Variants in LRRC9 observed in about 807,000 individuals in gnomAD.
The protein encoded by LRRC9 is leucine rich repeat containing 9, also known as leucine-rich repeat-containing protein 9.
In LRRC9, 122 loss-of-function variants were observed where a neutral mutation model predicts 63.2. That is an observed-to-expected ratio of 1.93 (90% confidence interval 1.67 to 2.24). The LOEUF (loss-of-function observed/expected upper bound fraction) is 2.24. Ranked by LOEUF, LRRC9 falls within the 30% of genes most tolerant of loss-of-function variation. LRRC9 has a pLI of 0.00. For missense variants in LRRC9, 1,071 were observed against 627.7 expected (o/e 1.71, Z -7.55); for synonymous variants, 366 against 213.1 (o/e 1.72, Z -6.25).
chr14:59,961,928 T>C (rs1884392606), intron 10 of LRRC9, among the ~76,000 whole-genome samples: 1 of 152,192 alleles, frequency 6.6e-6, no homozygotes, highest in African/African-American at 2.4e-5. Flanking sequence ...TGTCAAACTA[T>C]AGAATGGACT....
At chr14:59,926,598 C>T (rs1000745305) in intron 1 of LRRC9, among the ~76,000 whole-genome samples, 2 of 152,080 alleles carry the variant, frequency 1.3e-5, no homozygotes, top group African/African-American at 2.4e-5. Flanking sequence ...CTATAAGCCC[C>T]TCTTTTTGCC....
chr14:60,026,255 T>C (rs1891543188), intron 27 of LRRC9, among the ~76,000 whole-genome samples: 1 of 152,088 alleles, frequency 6.6e-6, no homozygotes, highest in African/African-American at 2.4e-5. Flanking sequence ...TCTACCCCTT[T>C]CTCTATATCC....
chr14:59,921,388 A>G (rs1013739974), intron 1 of LRRC9, among the ~76,000 whole-genome samples: 5 of 152,178 alleles, frequency 3.3e-5, no homozygotes, highest in Non-Finnish European at 7.3e-5. Context: ...GACAGACTAC[A>G]GGGAGGACAT....
At chr14:60,008,450 C>T (rs1215567717) in intron 23 of LRRC9, among the ~76,000 whole-genome samples, 10 of 152,040 alleles carry the variant, frequency 6.6e-5, no homozygotes. Flanking sequence ...TACAATAGAA[C>T]CCACAGAATT....
chr14:59,927,872 A>C lies in LRRC9; in HGVS notation c.-33-39A>C. The C allele has an allele frequency of 1.6e-6, 1 of 610,996 alleles. No individual in the cohort carries two copies. The highest frequency in any genetic ancestry group is 2.9e-6 in the Non-Finnish European group (1 of 346,262). 37.8% of individuals were successfully genotyped at this position (610,996 alleles called of 1,614,324 possible). A position where few individuals can be genotyped will look rare whatever the true frequency, so the allele number is the denominator to read the frequency against. On this transcript the variant is annotated intron_variant, in intron 1 of 31. Transcript: ENST00000445360. This position sits in a 1 kb window ranked among gnomAD's most constrained non-coding sequence, Gnocchi z 4.4. ...TCTATTTCAACTTGGAATGACAATG[A>C]CTTTAATATTTATTTCATTTTTTCA...
chr14:60,009,219 G>C lies in LRRC9; in HGVS notation c.3186+1005G>C, dbSNP rs554171751. 2.6e-5 allele frequency among the ~76,000 whole-genome samples: 4 copies of C among 152,296 alleles called. No individual in the cohort carries two copies. The South Asian group carries it at 8.3e-4, about 32-fold the overall frequency. ...TATGTTCTGCTCACTGACAATGAGT[G>C]TATTAGTCTGAACTCTGCTACTAAT... On this transcript the variant is annotated intron_variant, in intron 23 of 31. Coordinates refer to ENST00000445360, the Ensembl canonical transcript of LRRC9.
intron 1 of LRRC9, among the ~76,000 whole-genome samples, chr14:59,925,040 T>C (rs1225576495): frequency 1.3e-5 from 2 of 152,060 alleles, no homozygotes; most frequent in East Asian, 1.9e-4. Flanking sequence ...GTCCTGATCT[T>C]CTTTTTCCTC....
intron 26 of LRRC9, among the ~76,000 whole-genome samples, chr14:60,020,953 G>C (rs1458988988): frequency 2.6e-5 from 4 of 151,860 alleles, no homozygotes; most frequent in African/African-American, 9.7e-5. Context: ...AAACATTTGT[G>C]TACAAATATT....
chr14:59,957,343 C>G lies in LRRC9; in HGVS notation c.883-2475C>G, dbSNP rs574889941. On this transcript the variant is annotated intron_variant, in intron 8 of 31. Transcript: ENST00000445360. ...TTCATTCCTTTTCATTCTTTTTGCT[C>G]TAATCTTGTCTTCATGCCTTATTTC... Among the ~76,000 whole-genome samples, 310 of 152,172 alleles carry G rather than the reference C, an allele frequency of 2.0e-3. 2 individuals carry two copies. Among genetic ancestry groups the G allele is most frequent in the African/African-American group, 7.3e-3 (303 of 41,516 alleles).
intron 1 of LRRC9, among the ~76,000 whole-genome samples, chr14:59,925,221 G>T (rs185403619): frequency 2.6e-5 from 4 of 152,084 alleles, no homozygotes; most frequent in African/African-American, 9.6e-5. Context: ...CAGTGTCTTC[G>T]TCCATTTTGT....
chr14:59,985,245 T>C, intron 17 of LRRC9, 21 bp downstream of exon 17: 1 of 608,756 alleles, frequency 1.6e-6, no homozygotes, highest in Non-Finnish European at 3.0e-6. Flanking sequence ...TTCCTTTGAA[T>C]CTAAAAAAGT....
At chr14:60,063,843 ACT>A (rs1464203772), downstream of LRRC9, among the ~76,000 whole-genome samples, 1 of 152,182 alleles carries the variant, frequency 6.6e-6, no homozygotes, top group African/African-American at 2.4e-5. Context: ...ACCAAACACA[ACT>A]ATTACTAAAG....
chr14:59,921,717 ATTTTTTTT>A (rs57938700), intron 1 of LRRC9, among the ~76,000 whole-genome samples: 4 of 121,184 alleles, frequency 3.3e-5, no homozygotes, highest in African/African-American at 6.2e-5. Flanking sequence ...GGGCAGTTGG[ATTTTTTTT>A]TTTTTTTTTT....
chr14:60,019,298 G>T (rs982710697), intron 26 of LRRC9, 38 bp downstream of exon 26: 4 of 655,786 alleles, frequency 6.1e-6, no homozygotes, highest in South Asian at 3.3e-5. Flanking sequence ...ACTAATTTTG[G>T]CTGGGAATTT....
chr14:59,925,272 C>T (rs1414281130), intron 1 of LRRC9, among the ~76,000 whole-genome samples: 2 of 152,150 alleles, frequency 1.3e-5, no homozygotes, highest in East Asian at 3.8e-4. Context: ...AATTTAAAAA[C>T]AACAGAAATG....
intron 15 of LRRC9, among the ~76,000 whole-genome samples, chr14:59,980,352 T>G (rs1338175689): frequency 6.6e-6 from 1 of 152,192 alleles, no homozygotes; most frequent in Non-Finnish European, 1.5e-5. Context: ...CTCTTTCATC[T>G]AATTTTGGAT....
rs1400609214 is a variant in LRRC9 at position 60,058,943 on chromosome 14, T to C, written c.4276+921T>C. On this transcript the variant is annotated intron_variant, in intron 31 of 31. Transcript: ENST00000445360. This position sits in a 1 kb window ranked among gnomAD's most constrained non-coding sequence, Gnocchi z 4.4. ...TTCCAGGTTTTAATAATAATGAAGATTGTCATGCTTTTGTCTACAACTGTC... is the reference window on the plus strand; with the variant it reads ...TTCCAGGTTTTAATAATAATGAAGACTGTCATGCTTTTGTCTACAACTGTC... The C allele has an allele frequency of 2.0e-5, 3 of 152,208 alleles. No homozygotes were observed. Among genetic ancestry groups the C allele is most frequent in the African/African-American group, 7.2e-5 (3 of 41,444 alleles). 9.4% of individuals were successfully genotyped at this position (152,208 alleles called of 1,614,324 possible). A position where few individuals can be genotyped will look rare whatever the true frequency, so the allele number is the denominator to read the frequency against.
At chr14:60,005,575 C>G (rs1205239003) in intron 21 of LRRC9, among the ~76,000 whole-genome samples, 1 of 152,072 alleles carries the variant, frequency 6.6e-6, no homozygotes, top group African/African-American at 2.4e-5. Flanking sequence ...CCTATCTTGC[C>G]CTGGATTGAT....
At chr14:60,055,053 C>T (rs1205549964) in intron 30 of LRRC9, among the ~76,000 whole-genome samples, 1 of 152,184 alleles carries the variant, frequency 6.6e-6, no homozygotes, top group African/African-American at 2.4e-5. Flanking sequence ...AGCCATTGCA[C>T]CCGGCCCCCT....
Sources: allele counts gnomAD v4.1 joint callset (sites outside exome capture counted in the v4.1 genomes callset), GRCh38; gene constraint gnomAD v4.1.1; non-coding constraint Gnocchi (gnomAD v3.1); transcripts MANE v1.5; gene names NCBI Gene and HGNC (gene_info 2026-07-23, HGNC 2026-07-21).